Variants in STRBP observed in about 807,000 individuals in gnomAD.
STRBP encodes spermatid perinuclear RNA-binding protein.
Under a neutral mutation model 80.1 loss-of-function variants are expected in STRBP, and 13 were observed. The observed-to-expected ratio is 0.16, with a 90% CI of 0.11 to 0.26. STRBP has a LOEUF of 0.26. STRBP is among the 10% of genes least tolerant of loss of function. STRBP has a pLI of 1.00. For missense variants in STRBP, 485 were observed against 815.2 expected, an observed-to-expected ratio of 0.59 and a Z score of 4.93; for synonymous variants, 284 against 291.2, an observed-to-expected ratio of 0.98 and a Z score of 0.25.
At chr9:123,193,049 A>G (rs2038979464) in intron 2 of STRBP, among the ~76,000 whole-genome samples, 1 of 152,188 alleles carries the variant, frequency 6.6e-6, no homozygotes, top group East Asian at 1.9e-4. Flanking sequence ...CTACGCCATC[A>G]TGATTTGTCA....
In STRBP at chr9:123,175,894, T is replaced by G. The variant is rs1340682773; in HGVS notation, c.225-2052A>C. 2.0e-5 allele frequency among the ~76,000 whole-genome samples: 3 copies of G among 152,232 alleles called. No homozygotes were observed. The East Asian group carries it at 5.8e-4, about 29-fold the overall frequency. On this transcript the variant is annotated intron_variant, in intron 4 of 18. Transcript: ENST00000348403. ...AACACTCTACCTACTAATTCATTGGTGTCCCACTGAACACTTGGACACTTA... is the reference window on the plus strand; with the variant it reads ...AACACTCTACCTACTAATTCATTGGGGTCCCACTGAACACTTGGACACTTA...
intron 1 of STRBP, among the ~76,000 whole-genome samples, chr9:123,266,997 C>T (rs572607768): frequency 6.6e-6 from 1 of 151,710 alleles, no homozygotes; most frequent in African/African-American, 2.4e-5. Context: ...CTACTGATTT[C>T]GTTCTCACCC....
intron 1 of STRBP, among the ~76,000 whole-genome samples, chr9:123,238,680 AAATAAGCTAAAGATGAG>A (rs1293007389): frequency 1.3e-5 from 2 of 152,222 alleles, no homozygotes; most frequent in East Asian, 3.8e-4. Flanking sequence ...GTTAAGATTC[AAATAAGCTAAAGATGAG>A]AAGGGAGACT....
At chr9:123,227,262 C>T (rs2040265052) in intron 2 of STRBP, among the ~76,000 whole-genome samples, 1 of 152,040 alleles carries the variant, frequency 6.6e-6, no homozygotes, top group South Asian at 2.1e-4. Context: ...TAAAGGTAAC[C>T]AGGGTAAGCT....
chr9:123,144,295 C>T (rs1329404667), intron 13 of STRBP, among the ~76,000 whole-genome samples: 3 of 151,870 alleles, frequency 2.0e-5, no homozygotes, highest in Non-Finnish European at 4.4e-5. Context: ...TTATCTGAAA[C>T]CCTTGGTGCC....
rs1366409368 is a variant in STRBP, at chr9:123,157,992, T to TA, written c.1045+19dup. 1.9e-6 allele frequency: 3 copies of TA among 1,584,442 alleles called. No homozygotes were observed. Among genetic ancestry groups the TA allele is most frequent in the Non-Finnish European group, 2.6e-6 (3 of 1,154,178 alleles). ...TACCAGTGCCAACCCCCAACCCTAA[T>TA]AAAAAACTTCCATGCTCACCTTCTT... On this transcript the variant is annotated intron_variant, in intron 11 of 18. Transcript: ENST00000348403.
intron 2 of STRBP, 118 bp from the exon 3 acceptor site, chr9:123,184,416 T>G: frequency 3.8e-6 from 1 of 262,324 alleles, no homozygotes; most frequent in Non-Finnish European, 7.2e-6. Flanking sequence ...TAGAGGAAAA[T>G]TCCCTCAGTT....
intron 2 of STRBP, among the ~76,000 whole-genome samples, chr9:123,209,491 C>T (rs939651962): frequency 1.5e-4 from 23 of 152,202 alleles, no homozygotes; most frequent in African/African-American, 5.5e-4. Flanking sequence ...TAAAGTACTA[C>T]ACAATATGTT....
At chr9:123,231,751 T>A (rs2040403834) in intron 2 of STRBP, among the ~76,000 whole-genome samples, 1 of 152,188 alleles carries the variant, frequency 6.6e-6, no homozygotes, top group African/African-American at 2.4e-5. Flanking sequence ...GTTCATTCCA[T>A]GAAATGATCT....
intron 2 of STRBP, among the ~76,000 whole-genome samples, chr9:123,189,340 T>C (rs531547028): frequency 1.4e-3 from 215 of 148,634 alleles, no homozygotes; most frequent in African/African-American, 5.0e-3. Context: ...AGGGATAACA[T>C]TAGGAGATAT....
At chr9:123,223,861 T>A (rs2040152537) in intron 2 of STRBP, among the ~76,000 whole-genome samples, 3 of 152,128 alleles carry the variant, frequency 2.0e-5, no homozygotes, top group African/African-American at 7.2e-5. Flanking sequence ...CGGGATAAGC[T>A]CTCAGAGGCA....
chr9:123,145,753 C>CT (rs1300508171), intron 13 of STRBP, among the ~76,000 whole-genome samples: 1 of 152,120 alleles, frequency 6.6e-6, no homozygotes, highest in Non-Finnish European at 1.5e-5. Flanking sequence ...CCTGGATTTA[C>CT]TTTTCCCCTC....
At chr9:123,226,601 C>T (rs774870735) in intron 2 of STRBP, among the ~76,000 whole-genome samples, 5 of 152,160 alleles carry the variant, frequency 3.3e-5, no homozygotes, top group Non-Finnish European at 7.3e-5. Context: ...TCAAGGCCTG[C>T]CTCAGACCCC....
chr9:123,199,946 T>C (rs571769084), intron 2 of STRBP, among the ~76,000 whole-genome samples: 4 of 152,312 alleles, frequency 2.6e-5, no homozygotes, highest in African/African-American at 9.6e-5. Flanking sequence ...GTCTTGTTCC[T>C]GCTCTCGGGG....
chr9:123,140,906 T>C (rs544195679), intron 13 of STRBP, among the ~76,000 whole-genome samples: 1 of 152,240 alleles, frequency 6.6e-6, no homozygotes, highest in African/African-American at 2.4e-5. Flanking sequence ...TACTGCTTTT[T>C]AGATGTTTAC....
chr9:123,213,555 G>C (rs1812883012), intron 2 of STRBP: 1 of 152,138 alleles, frequency 6.6e-6, no homozygotes, highest in Admixed American at 6.6e-5. Flanking sequence ...ACTGGACAGA[G>C]GAAACAATAG....
chr9:123,229,321 C>T (rs1229217806), intron 2 of STRBP, among the ~76,000 whole-genome samples: 4 of 151,894 alleles, frequency 2.6e-5, no homozygotes, highest in East Asian at 3.8e-4. Context: ...TTTTAAATAG[C>T]GAATTTTAGG....
intron 6 of STRBP, among the ~76,000 whole-genome samples, chr9:123,165,598 T>C (rs2037721245): frequency 1.3e-5 from 2 of 152,178 alleles, no homozygotes; most frequent in Admixed American, 6.5e-5. Context: ...AACTGCATTA[T>C]AAATAAGCAG....
chr9:123,121,110 G>A (rs190963197), downstream of STRBP, among the ~76,000 whole-genome samples: 94 of 152,268 alleles, frequency 6.2e-4, 1 homozygote, highest in South Asian at 1.7e-3. Flanking sequence ...CAGCAGGACT[G>A]GATCGCACTC....
Sources: allele counts gnomAD v4.1 joint callset (sites outside exome capture counted in the v4.1 genomes callset), GRCh38; gene constraint gnomAD v4.1.1; transcripts MANE v1.5; gene names NCBI Gene and HGNC (gene_info 2026-07-23, HGNC 2026-07-21).